GPLD1: variants seen among roughly 807,000 people sequenced by gnomAD.
GPLD1 encodes the protein phosphatidylinositol-glycan-specific phospholipase D.
Under a neutral mutation model 112.6 loss-of-function variants are expected in GPLD1, and 84 were observed. The ratio of observed to expected loss-of-function variants is 0.75; its 90% CI spans 0.63 to 0.89. The LOEUF is 0.89. Ranked by LOEUF, GPLD1 falls within the 40% of genes least tolerant of loss-of-function variation. GPLD1 has a pLI of 0.00. For missense variants in GPLD1, 1,044 were observed against 1,051.5 expected (o/e 0.99, Z 0.10); for synonymous variants, 386 against 403.8 (o/e 0.96, Z 0.53).
At position 24,473,685 on chromosome 6, in the gene GPLD1, C is replaced by T. The variant is rs1297221783; in HGVS notation, c.442-18G>A. The T allele has an allele frequency of 6.3e-7, 1 of 1,576,514 alleles. No individual in the cohort carries two copies. On this transcript the variant is annotated intron_variant, in intron 5 of 24. Transcript: ENST00000230036. ...AAATCAATCTAAGAAAGAAAGAGAA[C>T]CATCTGGTGTGTATTACAAATTGTA...
intron 2 of GPLD1, among the ~76,000 whole-genome samples, chr6:24,480,960 A>G (rs1033716620): frequency 9.9e-5 from 15 of 152,250 alleles, no homozygotes; most frequent in African/African-American, 2.9e-4. Flanking sequence ...GTTTATGGGC[A>G]GAGTACAGGA....
chr6:24,493,547 T>G (rs188822184), upstream of GPLD1, among the ~76,000 whole-genome samples: 2 of 151,892 alleles, frequency 1.3e-5, no homozygotes, highest in Non-Finnish European at 2.9e-5. Flanking sequence ...AAAAACTCCC[T>G]CCGCAGGCAG....
At chr6:24,478,657 G>A (rs1165468122) in intron 3 of GPLD1, among the ~76,000 whole-genome samples, 2 of 152,196 alleles carry the variant, frequency 1.3e-5, no homozygotes, top group Non-Finnish European at 2.9e-5. Flanking sequence ...AGACACAGAA[G>A]TTGGGGTATA....
At chr6:24,493,189 AT>A (rs1764601189), upstream of GPLD1, among the ~76,000 whole-genome samples, 3 of 152,150 alleles carry the variant, frequency 2.0e-5, no homozygotes, top group Non-Finnish European at 2.9e-5. Context: ...CAATTGAATG[AT>A]TTCCCCAGGC....
intron 20 of GPLD1, among the ~76,000 whole-genome samples, chr6:24,442,485 C>T (rs1762780336): frequency 8.2e-6 from 1 of 122,134 alleles, no homozygotes; most frequent in African/African-American, 3.2e-5. Context: ...CACTCTGTCA[C>T]CCAGGCTGGA....
intron 2 of GPLD1, among the ~76,000 whole-genome samples, chr6:24,483,044 A>G (rs74572721): frequency 6.6e-6 from 1 of 151,996 alleles, no homozygotes; most frequent in Non-Finnish European, 1.5e-5. Flanking sequence ...AGAATACAGA[A>G]AGGCTGCACG....
intron 22 of GPLD1, among the ~76,000 whole-genome samples, chr6:24,434,922 A>C (rs1231748229): frequency 6.6e-6 from 1 of 151,662 alleles, no homozygotes; most frequent in African/African-American, 2.4e-5. Context: ...CTCCTGCCTC[A>C]GCCTCCCAAA....
intron 14 of GPLD1, among the ~76,000 whole-genome samples, chr6:24,452,182 G>C (rs951370505): frequency 1.3e-5 from 2 of 152,214 alleles, no homozygotes; most frequent in Non-Finnish European, 2.9e-5. Flanking sequence ...CTTTGAGAGA[G>C]TTTAGCAGCC....
intron 12 of GPLD1, 141 bp from the exon 13 acceptor site, chr6:24,456,778 T>C: frequency 1.8e-6 from 1 of 542,738 alleles, no homozygotes; most frequent in Admixed American, 3.4e-5. Context: ...CATTAGGTCC[T>C]ATCAGCAAGT....
At chr6:24,432,269 G>A (rs918409198) in intron 24 of GPLD1, among the ~76,000 whole-genome samples, 33 of 94,338 alleles carry the variant, frequency 3.5e-4, no homozygotes, top group Non-Finnish European at 3.1e-4. Context: ...AAAAAAAAAA[G>A]GTGTGTGTGT....
chr6:24,491,262 G>A (rs1215815654), upstream of GPLD1, among the ~76,000 whole-genome samples: 3 of 152,190 alleles, frequency 2.0e-5, no homozygotes. Flanking sequence ...GCGTGAGGGA[G>A]TCACAATTAT....
chr6:24,474,202 C>T (rs373448111), intron 5 of GPLD1, among the ~76,000 whole-genome samples: 10 of 104,336 alleles, frequency 9.6e-5, no homozygotes, highest in African/African-American at 2.7e-4. Context: ...CACACACACA[C>T]ACACATATAT....
At chr6:24,447,566 G>T (rs767352943) in intron 17 of GPLD1, among the ~76,000 whole-genome samples, 1 of 152,016 alleles carries the variant, frequency 6.6e-6, no homozygotes, top group Non-Finnish European at 1.5e-5. Context: ...AACAGCTATG[G>T]ACAGTCGAGA....
chr6:24,440,743 TAAAG>T (rs1762721329), intron 20 of GPLD1, among the ~76,000 whole-genome samples: 1 of 143,448 alleles, frequency 7.0e-6, no homozygotes, highest in Non-Finnish European at 1.5e-5. Flanking sequence ...AAAAAAAGCA[TAAAG>T]AAGAAAATGT....
At chr6:24,472,845 G>A (rs966402729) in intron 6 of GPLD1, among the ~76,000 whole-genome samples, 14 of 150,974 alleles carry the variant, frequency 9.3e-5, no homozygotes, top group African/African-American at 2.4e-5. Context: ...GCGTGATCTC[G>A]GCTCACTGAA....
At chr6:24,487,376 C>G (rs1764413247) in intron 1 of GPLD1, among the ~76,000 whole-genome samples, 1 of 152,128 alleles carries the variant, frequency 6.6e-6, no homozygotes, top group Non-Finnish European at 1.5e-5. Flanking sequence ...TTCTCAGAAT[C>G]CGTGCAGATT....
Position 24,426,811 on chromosome 6 carries a change from C to T in GPLD1, c.*2221G>A, listed in dbSNP as rs1762252835. On this transcript the variant is annotated 3_prime_UTR_variant, in exon 25 of 25. Coordinates refer to ENST00000230036, the MANE Select transcript of GPLD1 (RefSeq NM_001503.4). ...GTAATTCTTCAGATAGGTTGGGCTA[C>T]CAATAATTGTCCCTAAACAAAACCA... 6.6e-6 allele frequency among the ~76,000 whole-genome samples: 1 copy of T among 152,168 alleles called. No homozygotes were observed. Among genetic ancestry groups the T allele is most frequent in the Admixed American group, 6.5e-5 (1 of 15,282 alleles).
At chr6:24,446,412 G>A (rs1275432375) in intron 18 of GPLD1, among the ~76,000 whole-genome samples, 5 of 151,964 alleles carry the variant, frequency 3.3e-5, no homozygotes, top group South Asian at 2.1e-4. Context: ...TCAGGAGGCC[G>A]AGGCAGGAGG....
intron 20 of GPLD1, among the ~76,000 whole-genome samples, chr6:24,440,422 C>T (rs901780415): frequency 6.6e-6 from 1 of 151,906 alleles, no homozygotes; most frequent in African/African-American, 2.4e-5. Flanking sequence ...CCAGCCTGGG[C>T]AACAGAGCAA....
Sources: gnomAD v4.1 joint callset for allele counts (sites outside exome capture counted in the v4.1 genomes callset) on GRCh38, gnomAD v4.1.1 for gene constraint, MANE v1.5 for transcripts, NCBI Gene and HGNC (gene_info 2026-07-23, HGNC 2026-07-21) for gene names.